Variants in AGFG1 observed in about 807,000 individuals in gnomAD.
The protein encoded by AGFG1 is ArfGAP with FG repeats 1.
Under a neutral mutation model 60.6 loss-of-function variants are expected in AGFG1, and 10 were observed. The ratio of observed to expected loss-of-function variants is 0.16; its 90% CI spans 0.10 to 0.28. AGFG1 has a LOEUF of 0.28. AGFG1 is among the 10% of genes least tolerant of loss of function. The pLI, the probability that AGFG1 is intolerant of heterozygous loss-of-function variation, is 1.00. For missense variants in AGFG1, 537 were observed against 676.5 expected, an observed-to-expected ratio of 0.79 and a Z score of 2.29; for synonymous variants, 247 against 242.9, an observed-to-expected ratio of 1.02 and a Z score of -0.16.
At chr2:227,540,300 C>T (rs983913336) in intron 10 of AGFG1, among the ~76,000 whole-genome samples, 2 of 151,062 alleles carry the variant, frequency 1.3e-5, no homozygotes, top group African/African-American at 2.4e-5. Flanking sequence ...CCCATTAACT[C>T]GTCATTTACA....
In AGFG1 at chr2:227,555,114, T is replaced by C. The variant is rs576089481; in HGVS notation, c.*619T>C. The C allele has an allele frequency of 6.6e-6, 1 of 152,630 alleles. No homozygotes were observed. Among genetic ancestry groups the C allele is most frequent in the Non-Finnish European group, 1.5e-5 (1 of 68,010 alleles). The allele number at this position is 152,630 out of a possible 1,614,324, so 9.5% of individuals were successfully genotyped here. A position where few individuals can be genotyped will look rare whatever the true frequency, so the allele number is the denominator to read the frequency against. ...TTTGCAGGTGAAAAAAAATAAATAT[T>C]ATAAAATATGCTATTGTTTTTGTGT... On this transcript the variant is annotated 3_prime_UTR_variant, in exon 13 of 13. Transcript: ENST00000310078.
chr2:227,550,776 A>G (rs1692795352), intron 10 of AGFG1, among the ~76,000 whole-genome samples: 1 of 152,190 alleles, frequency 6.6e-6, no homozygotes. Flanking sequence ...ATTCCGTGTA[A>G]TATTTTTTAG....
At chr2:227,476,750 C>T (rs10210812) in intron 1 of AGFG1, among the ~76,000 whole-genome samples, 7,110 of 152,130 alleles carry the variant, frequency 0.047, 220 homozygotes, top group African/African-American at 0.092. Context: ...TTTTGGAGCT[C>T]TGTGTATAAT....
At chr2:227,529,878 T>C (rs752481122) in intron 5 of AGFG1, among the ~76,000 whole-genome samples, 10 of 151,874 alleles carry the variant, frequency 6.6e-5, no homozygotes, top group Non-Finnish European at 1.3e-4. Context: ...ACTAGATATA[T>C]TGATTTTTTT....
chr2:227,531,165 G>T lies in AGFG1; in HGVS notation c.769G>T (p.Gly257Cys), dbSNP rs1327337804. Residue 257 changes from glycine to cysteine, a missense_variant, in exon 6 of 13, where the codon GGT (glycine) becomes TGT (cysteine). Transcript: ENST00000310078. ...GTCTAGTGGTTCGAGTAATTTTGGA[G>T]GTTTCCCCACAGCAAGTCACTCTCC... ...GQSSGSSNFGGFPTASHSPFQ... is the reference protein window; with the variant it reads ...GQSSGSSNFGCFPTASHSPFQ... The T allele has an allele frequency of 6.2e-7, 1 of 1,613,572 alleles. No individual in the cohort carries two copies. Among genetic ancestry groups the T allele is most frequent in the Non-Finnish European group, 8.5e-7 (1 of 1,179,790 alleles).
chr2:227,524,708 A>G, intron 4 of AGFG1, 54 bp from the exon 5 acceptor site: 8 of 1,586,126 alleles, frequency 5.0e-6, no homozygotes, highest in Non-Finnish European at 6.9e-6. Flanking sequence ...AGTTTTGTAT[A>G]AAGATTTTGC....
At chr2:227,476,929 T>G (rs763800970) in intron 1 of AGFG1, among the ~76,000 whole-genome samples, 1 of 147,506 alleles carries the variant, frequency 6.8e-6, no homozygotes, top group Non-Finnish European at 1.5e-5. Context: ...TGAGACATAG[T>G]CTCACTCCGT....
At chr2:227,527,389 ATGTT>A (rs1692030236) in intron 5 of AGFG1, among the ~76,000 whole-genome samples, 1 of 152,292 alleles carries the variant, frequency 6.6e-6, no homozygotes, top group East Asian at 1.9e-4. Context: ...TTATGTATGT[ATGTT>A]TGTATGTTTA....
chr2:227,526,286 T>C (rs10804334), intron 5 of AGFG1, among the ~76,000 whole-genome samples: 99,107 of 151,798 alleles, frequency 0.65, 32,337 homozygotes, highest in South Asian at 0.75. Context: ...CTCCGCCACC[T>C]GGGTTTAAGC....
intron 2 of AGFG1, among the ~76,000 whole-genome samples, chr2:227,498,508 G>T (rs191148195): frequency 2.9e-4 from 44 of 152,254 alleles, no homozygotes; most frequent in African/African-American, 1.0e-3. Flanking sequence ...ATTTATGCAC[G>T]TCTGGCCTTT....
chr2:227,533,662 G>T lies in AGFG1; in HGVS notation c.928G>T (p.Ala310Ser). ...TTCCCAGAGTCATCAAACAGCATCA[G>T]CTGTTAGTAAAGTTTCAACGAACAA... Reference protein sequence around the residue: ...NTSQSHQTASAVSKVSTNKAG... With the variant: ...NTSQSHQTASSVSKVSTNKAG... Residue 310 changes from alanine to serine, a missense_variant, in exon 7 of 13, where the codon GCT (alanine) becomes TCT (serine). This residue lies in a region of AGFG1 where 287 missense variants were observed against 343.6 expected (regional missense o/e 0.84). Coordinates refer to ENST00000310078, the MANE Select transcript of AGFG1 (RefSeq NM_004504.5). The T allele has an allele frequency of 6.2e-7, 1 of 1,613,840 alleles. No homozygotes were observed. The highest frequency in any genetic ancestry group is 8.5e-7 in the Non-Finnish European group (1 of 1,179,822).
intron 10 of AGFG1, among the ~76,000 whole-genome samples, chr2:227,539,442 C>CAAAA (rs542351308): frequency 2.5e-5 from 1 of 39,484 alleles, no homozygotes; most frequent in African/African-American, 7.4e-5. Flanking sequence ...GACTCTGTCT[C>CAAAA]AAAAAAAACA....
At chr2:227,536,350 T>A (rs1000270226) in intron 8 of AGFG1, among the ~76,000 whole-genome samples, 3 of 152,148 alleles carry the variant, frequency 2.0e-5, no homozygotes, top group Non-Finnish European at 4.4e-5. Flanking sequence ...ATTAAGATAG[T>A]GGCACCAAAC....
At chr2:227,540,106 G>A (rs1048867748) in intron 10 of AGFG1, among the ~76,000 whole-genome samples, 2 of 152,056 alleles carry the variant, frequency 1.3e-5, no homozygotes, top group Admixed American at 6.6e-5. Context: ...AAAGTGCTGG[G>A]ATTACAGGTG....
intron 10 of AGFG1, among the ~76,000 whole-genome samples, chr2:227,550,785 A>G (rs1371071613): frequency 6.6e-6 from 1 of 152,198 alleles, no homozygotes; most frequent in Non-Finnish European, 1.5e-5. Flanking sequence ...AATATTTTTT[A>G]GTATTTAATT....
At chr2:227,545,749 G>A (rs1692626985) in intron 10 of AGFG1, among the ~76,000 whole-genome samples, 1 of 152,204 alleles carries the variant, frequency 6.6e-6, no homozygotes, top group Non-Finnish European at 1.5e-5. Context: ...GGAGTTTGCT[G>A]GTGGTCCACT....
At chr2:227,513,916 T>G (rs772615231) in intron 2 of AGFG1, among the ~76,000 whole-genome samples, 2 of 152,226 alleles carry the variant, frequency 1.3e-5, no homozygotes, top group Non-Finnish European at 2.9e-5. Flanking sequence ...CAGCCCATTA[T>G]TTGAAGCATT....
intron 10 of AGFG1, among the ~76,000 whole-genome samples, chr2:227,539,343 T>C (rs1417986673): frequency 6.6e-6 from 1 of 150,832 alleles, no homozygotes; most frequent in Non-Finnish European, 1.5e-5. Context: ...CTTGGGAGGC[T>C]GAGGCAGGAG....
intron 1 of AGFG1, among the ~76,000 whole-genome samples, chr2:227,485,687 T>C (rs1257022591): frequency 6.6e-6 from 1 of 152,218 alleles, no homozygotes; most frequent in Non-Finnish European, 1.5e-5. Flanking sequence ...TCTCTAGTTA[T>C]GTCTAATCTG....
Sources: gnomAD v4.1 joint callset for allele counts (sites outside exome capture counted in the v4.1 genomes callset) on GRCh38, gnomAD v4.1.1 for gene constraint, gnomAD v4.1.1 regional missense constraint, MANE v1.5 for transcripts, NCBI Gene and HGNC (gene_info 2026-07-23, HGNC 2026-07-21) for gene names.